The following ZBTB8OS variants were observed in gnomAD, a reference collection of about 807,000 sequenced individuals.
ZBTB8OS encodes tRNA splicing ligase complex subunit 1, also known as tRNA-splicing ligase-activating factor archease.
In ZBTB8OS, 16 loss-of-function variants were observed where a neutral mutation model predicts 29.3. The observed-to-expected ratio is 0.55, with a 90% CI of 0.37 to 0.83. The LOEUF (loss-of-function observed/expected upper bound fraction) is 0.83. Ranked by LOEUF, ZBTB8OS falls within the 40% of genes least tolerant of loss-of-function variation. The probability of loss-of-function intolerance (pLI) is 0.00; values close to 1 mark genes in which losing one functional copy is unlikely to be tolerated. For synonymous variants in ZBTB8OS, 70 were observed against 64.6 expected (o/e 1.08, Z -0.40); for missense variants, 160 against 196.9 (o/e 0.81, Z 1.12).
At chr1:32,631,684 T>C (rs1645567987) in intron 5 of ZBTB8OS, 143 bp downstream of exon 5, 2 of 571,770 alleles carry the variant, frequency 3.5e-6, no homozygotes, top group Non-Finnish European at 6.2e-6. Context: ...GTTAAGTTTC[T>C]GGTCCTTCCA....
intron 1 of ZBTB8OS, among the ~76,000 whole-genome samples, chr1:32,638,849 G>A (rs116203441): frequency 2.4e-3 from 358 of 152,176 alleles, no homozygotes; most frequent in African/African-American, 8.2e-3. Flanking sequence ...AGGTGGCAAA[G>A]GTTGCAATGA....
intron 6 of ZBTB8OS, among the ~76,000 whole-genome samples, chr1:32,623,947 G>A (rs191048349): frequency 2.6e-5 from 4 of 152,240 alleles, no homozygotes; most frequent in African/African-American, 9.6e-5. Flanking sequence ...TGAATCACGG[G>A]GGCGGTTTCC....
intron 4 of ZBTB8OS, among the ~76,000 whole-genome samples, chr1:32,632,520 T>C (rs952092979): frequency 6.6e-6 from 1 of 152,092 alleles, no homozygotes; most frequent in African/African-American, 2.4e-5. Context: ...GCTCAAGCAA[T>C]CCTCCCACCT....
chr1:32,632,595 GT>G (rs927475406), intron 4 of ZBTB8OS, among the ~76,000 whole-genome samples: 3 of 151,534 alleles, frequency 2.0e-5, no homozygotes, highest in Non-Finnish European at 4.4e-5. Flanking sequence ...TTGTTTTTTT[GT>G]TTTTTTTGAG....
intron 2 of ZBTB8OS, 77 bp from the exon 3 acceptor site, chr1:32,634,149 T>C: frequency 2.3e-6 from 3 of 1,279,790 alleles, no homozygotes; most frequent in Non-Finnish European, 3.1e-6. Context: ...AAAGTCAAAA[T>C]AAATTCAGTA....
chr1:32,645,316 G>A (rs1168131353), intron 1 of ZBTB8OS, among the ~76,000 whole-genome samples: 1 of 152,086 alleles, frequency 6.6e-6, no homozygotes, highest in African/African-American at 2.4e-5. Flanking sequence ...TAGGCAACAC[G>A]ACAAGACCCC....
intron 1 of ZBTB8OS, among the ~76,000 whole-genome samples, chr1:32,645,458 C>A (rs892606618): frequency 6.6e-6 from 1 of 152,152 alleles, no homozygotes. Flanking sequence ...GCCATGACAG[C>A]GCCACTATAC....
At chr1:32,628,393 T>C (rs1411588904) in intron 5 of ZBTB8OS, among the ~76,000 whole-genome samples, 2 of 151,104 alleles carry the variant, frequency 1.3e-5, no homozygotes, top group African/African-American at 4.9e-5. Flanking sequence ...TCCCAGCACT[T>C]TGGGAGGCCG....
intron 1 of ZBTB8OS, among the ~76,000 whole-genome samples, chr1:32,643,631 G>A (rs932399919): frequency 9.2e-5 from 14 of 151,702 alleles, no homozygotes; most frequent in Admixed American, 4.0e-4. Flanking sequence ...GAGTAGCTAC[G>A]ACTACAGGCG....
At chr1:32,621,974 A>AC in intron 6 of ZBTB8OS, 26 bp from the exon 7 acceptor site, 1 of 1,490,466 alleles carries the variant, frequency 6.7e-7, no homozygotes, top group South Asian at 1.3e-5. Context: ...GAGAAAAAAA[A>AC]AAAAAAAAGG....
intron 1 of ZBTB8OS, among the ~76,000 whole-genome samples, chr1:32,640,693 G>C (rs927542042): frequency 1.3e-5 from 2 of 151,876 alleles, no homozygotes; most frequent in Non-Finnish European, 2.9e-5. Flanking sequence ...TGTTTTGTAA[G>C]AGACAGGGTT....
rs1391958285 is a variant in ZBTB8OS, at chr1:32,626,124, C to T, written c.417+1384G>A. 2.6e-5 allele frequency among the ~76,000 whole-genome samples: 4 copies of T among 152,192 alleles called. No homozygotes were observed. In the East Asian group the frequency reaches 5.8e-4, roughly 22 times the overall value. ...CTGACTTCAGGTGATTCACCCACCT[C>T]GGCCTCCCAAAATGCGGGGATTACA... On this transcript the variant is annotated intron_variant, in intron 6 of 6. Coordinates refer to ENST00000468695, the MANE Select transcript of ZBTB8OS (RefSeq NM_178547.5).
At chr1:32,622,054 T>C in intron 6 of ZBTB8OS, 106 bp from the exon 7 acceptor site, 1 of 793,282 alleles carries the variant, frequency 1.3e-6, no homozygotes, top group Non-Finnish European at 1.9e-6. Context: ...TTTTAGTATT[T>C]TGAAAATGAA....
intron 1 of ZBTB8OS, 49 bp downstream of exon 1, chr1:32,650,384 G>C: frequency 6.2e-7 from 1 of 1,610,384 alleles, no homozygotes. Context: ...TAAGGAGAGG[G>C]GATGCCTGTG....
chr1:32,626,572 C>G (rs561715920), intron 6 of ZBTB8OS, among the ~76,000 whole-genome samples: 30 of 152,040 alleles, frequency 2.0e-4, no homozygotes, highest in African/African-American at 7.2e-4. Flanking sequence ...TTTTTTGAGA[C>G]CAGTCTCGCT....
At chr1:32,645,972 G>A (rs189749487) in intron 1 of ZBTB8OS, among the ~76,000 whole-genome samples, 4 of 152,290 alleles carry the variant, frequency 2.6e-5, no homozygotes, top group African/African-American at 9.6e-5. Context: ...CTCAGTTTCT[G>A]AAAATTCACT....
At chr1:32,640,380 G>A (rs961986434) in intron 1 of ZBTB8OS, among the ~76,000 whole-genome samples, 3 of 151,380 alleles carry the variant, frequency 2.0e-5, no homozygotes, top group African/African-American at 7.3e-5. Context: ...GGGATTACAG[G>A]CATGAGCCAC....
chr1:32,646,692 C>T lies in ZBTB8OS; in HGVS notation c.97+3741G>A, dbSNP rs114508587. ...AAAATTAGGAAAATTATTTTAAAAT[C>T]TCAGTGGACAAGGCATTCCCTGAGT... On this transcript the variant is annotated intron_variant, in intron 1 of 6. Coordinates refer to ENST00000468695, the MANE Select transcript of ZBTB8OS (RefSeq NM_178547.5). 6.2e-3 allele frequency among the ~76,000 whole-genome samples: 942 copies of T among 151,526 alleles called. 5 individuals are homozygous for T. Among genetic ancestry groups the T allele is most frequent in the Non-Finnish European group, 7.9e-3 (538 of 67,892 alleles).
At chr1:32,634,472 G>A (rs771066538) in intron 2 of ZBTB8OS, 7 of 458,818 alleles carry the variant, frequency 1.5e-5, no homozygotes, top group East Asian at 6.7e-5. Context: ...TGATCCGTCC[G>A]CCTCAGCCTC....
Sources: allele counts gnomAD v4.1 joint callset (sites outside exome capture counted in the v4.1 genomes callset), GRCh38; gene constraint gnomAD v4.1.1; transcripts MANE v1.5; gene names NCBI Gene and HGNC (gene_info 2026-07-23, HGNC 2026-07-21).